KLK2: variants seen among roughly 807,000 people sequenced by gnomAD.
The protein encoded by KLK2 is kallikrein related peptidase 2.
A neutral mutation model predicts 23.0 loss-of-function variants in KLK2; 17 were observed. The observed-to-expected ratio is 0.74, with a 90% CI of 0.51 to 1.11. The LOEUF is 1.11. Among genes scored for constraint, KLK2 ranks in the 50% least tolerant of loss-of-function variants. The pLI is 0.00. For missense variants in KLK2, 330 were observed against 325.9 expected (o/e 1.01, Z -0.10); for synonymous variants, 140 against 124.7 (o/e 1.12, Z -0.82).
intron 4 of KLK2, chr19:50,877,248 T>C (rs1237759986): frequency 3.4e-6 from 2 of 582,240 alleles, no homozygotes; most frequent in South Asian, 4.1e-5. Context: ...ACTGGGCACC[T>C]GCTACGTGAC....
intron 4 of KLK2, 107 bp downstream of exon 4, chr19:50,877,115 G>C: frequency 3.4e-6 from 5 of 1,473,232 alleles, no homozygotes; most frequent in Non-Finnish European, 4.7e-6. Context: ...CTGCTCCCCA[G>C]CTATAGCCAC....
Position 50,877,214 on chromosome 19 carries a change from C to G in KLK2, c.630+206C>G, listed in dbSNP as rs1288333596. Reference sequence around the variant, plus strand: ...GGTGATTCTCACAGCATAATTCACCCATTCCTGTGTTGAGCACATGCTTAC... The same window carrying G: ...GGTGATTCTCACAGCATAATTCACCGATTCCTGTGTTGAGCACATGCTTAC... On this transcript the variant is annotated intron_variant, in intron 4 of 4. Coordinates refer to ENST00000325321, the MANE Select transcript of KLK2 (RefSeq NM_005551.5). 3 of 646,032 alleles carry G rather than the reference C, an allele frequency of 4.6e-6. No individual in the cohort carries two copies. The East Asian group carries it at 8.2e-5, about 18-fold the overall frequency. 40.0% of individuals were successfully genotyped at this position (646,032 alleles called of 1,614,324 possible).
chr19:50,874,625 C>G, intron 1 of KLK2, 96 bp from the exon 2 acceptor site: 1 of 1,010,502 alleles, frequency 9.9e-7, no homozygotes, highest in Non-Finnish European at 1.5e-6. Context: ...CAGTCCTGGT[C>G]CTCTGCCCCC....
rs781256772 is a variant in KLK2, at chr19:50,878,368, A to G, written c.631-36A>G. ...GTTGCCTAGGCAGTTATTGGGGCCA[A>G]TCTTTCTCACTGTGTCTCTCCTCCT... On this transcript the variant is annotated intron_variant, in intron 4 of 4. Coordinates refer to ENST00000325321, the MANE Select transcript of KLK2 (RefSeq NM_005551.5). The G allele has an allele frequency of 1.0e-5, 16 of 1,584,618 alleles. No individual in the cohort carries two copies. In the East Asian group the frequency reaches 1.8e-4, roughly 18 times the overall value.
intron 1 of KLK2, chr19:50,873,749 C>T: frequency 1.9e-6 from 1 of 536,332 alleles, no homozygotes; most frequent in Non-Finnish European, 3.3e-6. Context: ...CTGCTCCCAG[C>T]TGCTTTACTA....
chr19:50,874,009 C>T (rs2090257460), intron 1 of KLK2: 1 of 156,270 alleles, frequency 6.4e-6, no homozygotes, highest in Non-Finnish European at 1.4e-5. Context: ...CCTTCTTCCC[C>T]CCGAGGCTAT....
chr19:50,878,943 C>A lies in KLK2; in HGVS notation c.*384C>A. The A allele has an allele frequency of 3.7e-6, 1 of 267,128 alleles. No individual in the cohort carries two copies. Among genetic ancestry groups the A allele is most frequent in the Non-Finnish European group, 7.2e-6 (1 of 138,294 alleles). The allele number at this position is 267,128 out of a possible 1,614,324, so 16.5% of individuals were successfully genotyped here. On this transcript the variant is annotated 3_prime_UTR_variant, in exon 5 of 5. Coordinates refer to ENST00000325321, the MANE Select transcript of KLK2 (RefSeq NM_005551.5). ...AGAGTGGACAGTGACACAAGGTGGACACTCTCTACAGATCACTGAGGATAA... is the reference window on the plus strand; with the variant it reads ...AGAGTGGACAGTGACACAAGGTGGAAACTCTCTACAGATCACTGAGGATAA...
In KLK2 at chr19:50,873,537, A is replaced by G. The variant is rs760140166; in HGVS notation, c.46+18A>G. 1.8e-6 allele frequency: 2 copies of G among 1,096,294 alleles called. No homozygotes were observed. Among genetic ancestry groups the G allele is most frequent in the South Asian group, 2.6e-5 (2 of 78,242 alleles). The allele number at this position is 1,096,294 out of a possible 1,614,324, so 67.9% of individuals were successfully genotyped here. A position where few individuals can be genotyped will look rare whatever the true frequency, so the allele number is the denominator to read the frequency against. ...GTGCACTGGTGAGATTGGGGGGATA[A>G]AGGAAGGGGGGCGGGTTCTGACTCT... On this transcript the variant is annotated intron_variant, in intron 1 of 4. Coordinates refer to ENST00000325321, the MANE Select transcript of KLK2 (RefSeq NM_005551.5).
rs974769461 is a variant in KLK2 at position 50,877,165 on chromosome 19, T to C, written c.630+157T>C. 2 of 839,756 alleles carry C rather than the reference T, an allele frequency of 2.4e-6. 1 individual carries two copies. The highest frequency in any genetic ancestry group is 3.8e-6 in the Non-Finnish European group (2 of 524,028). The allele number at this position is 839,756 out of a possible 1,614,324, so 52.0% of individuals were successfully genotyped here. On this transcript the variant is annotated intron_variant, in intron 4 of 4. Coordinates refer to ENST00000325321, the MANE Select transcript of KLK2 (RefSeq NM_005551.5). ...CCTCATCTGCCGCCCTCCTTCCCCC[T>C]TCCCTGACTCCCTCAACACAAGAGG...
intron 1 of KLK2, chr19:50,874,482 C>T: frequency 2.3e-6 from 1 of 434,426 alleles, no homozygotes; most frequent in Non-Finnish European, 4.1e-6. Flanking sequence ...GTCCCCTACT[C>T]TGATCTCTGG....
Position 50,879,276 on chromosome 19 carries a change from G to A in KLK2, c.*717G>A. ...ATTGATAGGATACATACTGAAATCA[G>A]CAAACAAAACAGATGTATAGATTAG... On this transcript the variant is annotated 3_prime_UTR_variant, in exon 5 of 5. Coordinates refer to ENST00000325321, the MANE Select transcript of KLK2 (RefSeq NM_005551.5). The A allele has an allele frequency of 4.3e-6, 1 of 232,638 alleles. No homozygotes were observed. The highest frequency in any genetic ancestry group is 8.5e-6 in the Non-Finnish European group (1 of 117,632). 14.4% of individuals were successfully genotyped at this position (232,638 alleles called of 1,614,324 possible).
At chr19:50,874,228 A>G (rs2090259801) in intron 1 of KLK2, 1 of 153,906 alleles carries the variant, frequency 6.5e-6, no homozygotes, top group South Asian at 2.1e-4. Flanking sequence ...AAAACAAAAC[A>G]AAACAAAGCA....
rs918428891 is a variant in KLK2 at position 50,879,914 on chromosome 19, T to G, written c.*1355T>G. 8.7e-6 allele frequency: 2 copies of G among 229,256 alleles called. No individual in the cohort carries two copies. Among genetic ancestry groups the G allele is most frequent in the African/African-American group, 2.2e-5 (1 of 45,212 alleles). 14.2% of individuals were successfully genotyped at this position (229,256 alleles called of 1,614,324 possible). On this transcript the variant is annotated 3_prime_UTR_variant, in exon 5 of 5. Transcript: ENST00000325321. ...GCAGTGCAGGGCTGCTGAGTCAACC[T>G]TTTATTGTACAGGGGATGAGGGAAA...
rs960983481 is a variant in KLK2 at position 50,879,506 on chromosome 19, A to G, written c.*947A>G. The G allele has an allele frequency of 2.2e-5, 5 of 231,202 alleles. No homozygotes were observed. Among genetic ancestry groups the G allele is most frequent in the African/African-American group, 1.1e-4 (5 of 45,180 alleles). 14.3% of individuals were successfully genotyped at this position (231,202 alleles called of 1,614,324 possible). ...TGACAGTTATTCTCTCCAAGTGGAG[A>G]CTTACGGACAGCATATAATTCTCCC... On this transcript the variant is annotated 3_prime_UTR_variant, in exon 5 of 5. Transcript: ENST00000325321.
chr19:50,878,801 G>A lies in KLK2; in HGVS notation c.*242G>A, dbSNP rs1059711. 7.4e-6 allele frequency: 3 copies of A among 407,778 alleles called. No homozygotes were observed. Among genetic ancestry groups the A allele is most frequent in the African/African-American group, 6.0e-5 (3 of 50,350 alleles). The allele number at this position is 407,778 out of a possible 1,614,324, so 25.3% of individuals were successfully genotyped here. A position where few individuals can be genotyped will look rare whatever the true frequency, so the allele number is the denominator to read the frequency against. ...GGGTATAATTTCGTCCTCTCCTTCG[G>A]AACACTGGCTGTCTCTGAAGACTTC... On this transcript the variant is annotated 3_prime_UTR_variant, in exon 5 of 5. Coordinates refer to ENST00000325321, the MANE Select transcript of KLK2 (RefSeq NM_005551.5).
chr19:50,873,596 C>G, intron 1 of KLK2, 77 bp downstream of exon 1: 1 of 1,029,026 alleles, frequency 9.7e-7, no homozygotes. Context: ...ACCCAGTGCC[C>G]CAGCCTCGTC....
At chr19:50,876,260 C>T (rs375711942) in intron 2 of KLK2, 185 of 586,092 alleles carry the variant, frequency 3.2e-4, no homozygotes, top group African/African-American at 3.1e-3. Flanking sequence ...TTTTCCACTT[C>T]GTTTCTTTCA....
At chr19:50,875,849 A>G (rs1340621675) in intron 2 of KLK2, 4 of 152,948 alleles carry the variant, frequency 2.6e-5, no homozygotes, top group East Asian at 3.9e-4. Context: ...AAGGAGGGGA[A>G]GGGAGCTGGA....
At chr19:50,877,333 T>G in intron 4 of KLK2, 1 of 407,184 alleles carries the variant, frequency 2.5e-6, no homozygotes, top group East Asian at 4.5e-5. Context: ...GCCCCCATGC[T>G]GGTGAGGGGC....
Sources: gnomAD v4.1 joint callset for allele counts on GRCh38, gnomAD v4.1.1 for gene constraint, MANE v1.5 for transcripts, NCBI Gene and HGNC (gene_info 2026-07-23, HGNC 2026-07-21) for gene names.